Variants in FBXO36 observed in about 807,000 individuals in gnomAD.
The protein encoded by FBXO36 is F-box protein 36.
FBXO36 carries 18 observed loss-of-function variants against 17.0 expected under a neutral mutation model. The ratio of observed to expected loss-of-function variants is 1.06; its 90% CI spans 0.73 to 1.57. The LOEUF is 1.57. Among genes scored for constraint, FBXO36 ranks in the 40% most tolerant of loss-of-function variants. The pLI is 0.00. For synonymous variants in FBXO36, 83 were observed against 85.3 expected (o/e 0.97, Z 0.15); for missense variants, 229 against 221.9 (o/e 1.03, Z -0.20).
intron 1 of FBXO36, among the ~76,000 whole-genome samples, chr2:229,931,878 T>G (rs190484727): frequency 2.6e-4 from 39 of 151,918 alleles, no homozygotes; most frequent in African/African-American, 9.4e-4. Flanking sequence ...ATGAAAGTAG[T>G]CTTTTGTTTT....
At chr2:229,993,841 G>A (rs950936224) in intron 2 of FBXO36, among the ~76,000 whole-genome samples, 1 of 152,062 alleles carries the variant, frequency 6.6e-6, no homozygotes, top group African/African-American at 2.4e-5. Flanking sequence ...CACGATCTCA[G>A]CTCACTGCAA....
intron 1 of FBXO36, among the ~76,000 whole-genome samples, chr2:229,951,830 T>G (rs2077059228): frequency 6.6e-6 from 1 of 152,182 alleles, no homozygotes; most frequent in Admixed American, 6.5e-5. Context: ...ATTATATGAC[T>G]TGTCAAGTGA....
intron 3 of FBXO36, among the ~76,000 whole-genome samples, chr2:229,999,689 G>GTA (rs2077348142): frequency 6.6e-6 from 1 of 151,496 alleles, no homozygotes; most frequent in Non-Finnish European, 1.5e-5. Context: ...ATATATATAT[G>GTA]TATATATATG....
chr2:230,001,921 G>A (rs763645345), intron 3 of FBXO36, among the ~76,000 whole-genome samples: 10 of 152,114 alleles, frequency 6.6e-5, no homozygotes, highest in Non-Finnish European at 1.0e-4. Context: ...AGGTTCAAGC[G>A]ATTCTCATGC....
Position 229,922,670 on chromosome 2 carries a change from G to A in FBXO36, c.96+61G>A, listed in dbSNP as rs547549631. On this transcript the variant is annotated intron_variant, in intron 1 of 3. Coordinates refer to ENST00000283946, the MANE Select transcript of FBXO36 (RefSeq NM_174899.5). ...TCCCTACCTGGCCCGGTTGGGGCCC[G>A]GGACGCAGGCTGTGCTAGGCCAAGA... is the stretch of plus-strand genomic sequence containing the variant. The A allele has an allele frequency of 2.0e-4, 315 of 1,559,070 alleles. No individual in the cohort carries two copies. In the African/African-American group the frequency reaches 3.4e-3, roughly 17 times the overall value.
chr2:229,976,537 T>C (rs1235815835), intron 2 of FBXO36, 188 bp downstream of exon 2: 3 of 510,222 alleles, frequency 5.9e-6, no homozygotes, highest in African/African-American at 3.9e-5. Flanking sequence ...ATATTAGCAT[T>C]TGGCCGGGCG....
At chr2:230,009,546 T>C (rs1030286014) in intron 3 of FBXO36, among the ~76,000 whole-genome samples, 2 of 152,180 alleles carry the variant, frequency 1.3e-5, no homozygotes, top group African/African-American at 4.8e-5. Flanking sequence ...CTTGCAGGAA[T>C]TGGAGAAGGT....
At chr2:229,983,810 A>G (rs763796720) in intron 2 of FBXO36, among the ~76,000 whole-genome samples, 3 of 152,166 alleles carry the variant, frequency 2.0e-5, no homozygotes, top group Non-Finnish European at 2.9e-5. Context: ...AGTTCCCTCA[A>G]CTGCTGATAA....
rs376803621 is a variant in FBXO36 at position 229,996,962 on chromosome 2, A to G, written c.378+39A>G. On this transcript the variant is annotated intron_variant, in intron 3 of 3. Coordinates refer to ENST00000283946, the MANE Select transcript of FBXO36 (RefSeq NM_174899.5). ...ATTTTATGTCTATATAGAATTTTCC[A>G]TGTGCTTTCTAAAAAAAATTTTTAA... 5.7e-6 allele frequency: 9 copies of G among 1,571,804 alleles called. No homozygotes were observed. The African/African-American group carries it at 1.2e-4, about 22-fold the overall frequency.
chr2:229,974,633 C>G (rs1396071985), intron 1 of FBXO36, among the ~76,000 whole-genome samples: 1 of 152,160 alleles, frequency 6.6e-6, no homozygotes, highest in Non-Finnish European at 1.5e-5. Context: ...GTGCCCTGGG[C>G]TCGATCTCCA....
chr2:229,948,678 C>T (rs974374908), intron 1 of FBXO36, among the ~76,000 whole-genome samples: 4 of 152,126 alleles, frequency 2.6e-5, no homozygotes, highest in Admixed American at 2.0e-4. Flanking sequence ...TTCCTCCTTC[C>T]TACTGTCTAG....
At position 229,938,378 on chromosome 2, in the gene FBXO36, T is replaced by C. The variant is rs545563642; in HGVS notation, c.96+15769T>C. On this transcript the variant is annotated intron_variant, in intron 1 of 3. Transcript: ENST00000283946. Reference sequence around the variant, plus strand: ...CTGGGACTACAGGCACCCGCCATCATGCCCGGCTAATTTTTGTATTTTTTG... The same window carrying C: ...CTGGGACTACAGGCACCCGCCATCACGCCCGGCTAATTTTTGTATTTTTTG... Among the ~76,000 whole-genome samples the C allele has an allele frequency of 7.6e-3, 1,099 of 144,406 alleles. 7 individuals are homozygous for C. The highest frequency in any genetic ancestry group is 0.013 in the Non-Finnish European group (862 of 66,570). The allele number at this position is 144,406 out of a possible 152,430, so 94.7% of individuals were successfully genotyped here. A position where few individuals can be genotyped will look rare whatever the true frequency, so the allele number is the denominator to read the frequency against.
At chr2:229,948,658 T>G in intron 1 of FBXO36, among the ~76,000 whole-genome samples, 1 of 152,096 alleles carries the variant, frequency 6.6e-6, no homozygotes, top group East Asian at 1.9e-4. Context: ...AGTTGGACCC[T>G]TTTCATCTCT....
chr2:229,938,143 A>AT (rs1467247233), intron 1 of FBXO36, among the ~76,000 whole-genome samples: 1 of 126,160 alleles, frequency 7.9e-6, no homozygotes, highest in African/African-American at 3.1e-5. Flanking sequence ...AATTTTTTGT[A>AT]TTTTTTGTAG....
intron 1 of FBXO36, among the ~76,000 whole-genome samples, chr2:229,927,220 T>G (rs1315664912): frequency 1.3e-5 from 2 of 152,222 alleles, no homozygotes; most frequent in Non-Finnish European, 2.9e-5. Flanking sequence ...TATATATTCC[T>G]ATTTATAGTG....
chr2:229,978,519 G>A (rs1002562223), intron 2 of FBXO36, among the ~76,000 whole-genome samples: 3 of 149,948 alleles, frequency 2.0e-5, no homozygotes, highest in African/African-American at 7.4e-5. Context: ...CCCAGGAGGT[G>A]GAGGTTGCGG....
At chr2:229,922,731 T>G in intron 1 of FBXO36, 122 bp downstream of exon 1, 2 of 966,750 alleles carry the variant, frequency 2.1e-6, no homozygotes, top group Admixed American at 2.8e-5. Flanking sequence ...CAGTCCCGGC[T>G]CCGCGCCGGG....
At position 230,010,928 on chromosome 2, in the gene FBXO36, T is replaced by G; in HGVS notation, c.*44T>G. The G allele has an allele frequency of 6.5e-7, 1 of 1,531,392 alleles. No homozygotes were observed. The highest frequency in any genetic ancestry group is 8.8e-7 in the Non-Finnish European group (1 of 1,131,480). The allele number at this position is 1,531,392 out of a possible 1,614,324, so 94.9% of individuals were successfully genotyped here. Reference sequence around the variant, plus strand: ...GCAGGGAGCTCAGGCATGGCTGTGTTTCTCTTCAGTGTCCAAATCTCTTCT... The same window carrying G: ...GCAGGGAGCTCAGGCATGGCTGTGTGTCTCTTCAGTGTCCAAATCTCTTCT... On this transcript the variant is annotated 3_prime_UTR_variant, in exon 4 of 4. Coordinates refer to ENST00000283946, the MANE Select transcript of FBXO36 (RefSeq NM_174899.5).
intron 1 of FBXO36, among the ~76,000 whole-genome samples, chr2:229,946,933 G>A (rs1262887931): frequency 3.3e-5 from 5 of 152,134 alleles, no homozygotes; most frequent in African/African-American, 1.2e-4. Flanking sequence ...TTGGGAGGCT[G>A]AGGCTAGTGG....
Sources: allele counts gnomAD v4.1 joint callset (sites outside exome capture counted in the v4.1 genomes callset), GRCh38; gene constraint gnomAD v4.1.1; transcripts MANE v1.5; gene names NCBI Gene and HGNC (gene_info 2026-07-23, HGNC 2026-07-21).